The following C5 variants were observed in gnomAD, a reference collection of about 807,000 sequenced individuals.
The protein encoded by C5 is C3 and PZP-like alpha-2-macroglobulin domain-containing protein 4.
A neutral mutation model predicts 218.8 loss-of-function variants in C5; 140 were observed. The ratio of observed to expected loss-of-function variants is 0.64; its 90% CI spans 0.56 to 0.74. The LOEUF (loss-of-function observed/expected upper bound fraction) is 0.74. Ranked by LOEUF, C5 falls within the 30% of genes least tolerant of loss-of-function variation. The pLI is 0.00. For synonymous variants in C5, 614 were observed against 682.3 expected (o/e 0.90, Z 1.56); for missense variants, 1,700 against 1,969.6 (o/e 0.86, Z 2.59).
intron 3 of C5, among the ~76,000 whole-genome samples, chr9:121,041,569 C>T (rs2047581745): frequency 6.6e-6 from 1 of 152,026 alleles, no homozygotes; most frequent in Non-Finnish European, 1.5e-5. Context: ...TCCCAAAATG[C>T]TGGGATTACA....
intron 19 of C5, 24 bp from the exon 20 acceptor site, chr9:121,006,082 G>A: frequency 6.2e-7 from 1 of 1,612,104 alleles, no homozygotes; most frequent in Non-Finnish European, 8.5e-7. Flanking sequence ...TGGAAGCAAA[G>A]TAGAATCATA....
At chr9:121,022,985 C>A (rs1331466085) in intron 10 of C5, among the ~76,000 whole-genome samples, 10 of 151,132 alleles carry the variant, frequency 6.6e-5, no homozygotes, top group Admixed American at 6.6e-5. Flanking sequence ...ATGAGACACA[C>A]TGGAGGCAAA....
rs757063723 is a variant in C5, at chr9:121,019,949, G to A, written c.1506+27C>T. 3.6e-6 allele frequency: 5 copies of A among 1,376,370 alleles called. No individual in the cohort carries two copies. The African/African-American group carries it at 7.1e-5, about 20-fold the overall frequency. 85.3% of individuals were successfully genotyped at this position (1,376,370 alleles called of 1,614,324 possible). ...GAAAATGTTCCAGGTGGGGGAATAA[G>A]ATGTAAATCCATCATTATGTACTTA... On this transcript the variant is annotated intron_variant, in intron 12 of 40. Coordinates refer to ENST00000223642, the MANE Select transcript of C5 (RefSeq NM_001735.3).
upstream of C5, among the ~76,000 whole-genome samples, chr9:121,053,228 C>A (rs2047681723): frequency 6.6e-6 from 1 of 152,172 alleles, no homozygotes; most frequent in Non-Finnish European, 1.5e-5. Context: ...GAGTGGTAGG[C>A]TGGCACTAGG....
chr9:120,999,486 G>A (rs2047142755), intron 20 of C5, among the ~76,000 whole-genome samples: 2 of 152,184 alleles, frequency 1.3e-5, no homozygotes, highest in Non-Finnish European at 1.5e-5. Flanking sequence ...GGAACTCCAA[G>A]TTCTGTGTAT....
At chr9:121,037,547 G>A (rs1225103683) in intron 4 of C5, among the ~76,000 whole-genome samples, 4 of 151,990 alleles carry the variant, frequency 2.6e-5, no homozygotes, top group East Asian at 1.9e-4. Flanking sequence ...TCCTGACCTC[G>A]TGATCCACCT....
chr9:120,997,109 CTTAT>C (rs1047788950), intron 21 of C5, among the ~76,000 whole-genome samples: 7 of 151,726 alleles, frequency 4.6e-5, no homozygotes, highest in Admixed American at 2.0e-4. Context: ...AGGGCCATGT[CTTAT>C]TTATTGTTTT....
intron 20 of C5, chr9:120,999,592 T>C (rs1222843793): frequency 9.5e-6 from 2 of 211,470 alleles, no homozygotes; most frequent in East Asian, 3.4e-4. Context: ...GATTTCAGAG[T>C]CTGGAACTGA....
At chr9:121,029,043 C>T (rs893086040) in intron 7 of C5, among the ~76,000 whole-genome samples, 3 of 152,060 alleles carry the variant, frequency 2.0e-5, no homozygotes, top group Non-Finnish European at 4.4e-5. Context: ...TTAAAAGGTA[C>T]GTGTCCAATC....
At position 121,007,244 on chromosome 9, in the gene C5, C is replaced by T. The variant is rs567906584; in HGVS notation, c.2349-267G>A. Among the ~76,000 whole-genome samples, 4 of 152,242 alleles carry T rather than the reference C, an allele frequency of 2.6e-5. No homozygotes were observed. The South Asian group carries it at 8.3e-4, about 32-fold the overall frequency. ...TTTGAAACATTGCAAAATCCAAGCA[C>T]ACAAACAAAGAAAAAGATGTTTGTT... On this transcript the variant is annotated intron_variant, in intron 18 of 40. Coordinates refer to ENST00000223642, the MANE Select transcript of C5 (RefSeq NM_001735.3).
chr9:120,967,529 A>G (rs185962150), intron 33 of C5, among the ~76,000 whole-genome samples: 1 of 152,234 alleles, frequency 6.6e-6, no homozygotes, highest in East Asian at 1.9e-4. Context: ...AATGCCATCC[A>G]CAGATATCAC....
intron 23 of C5, among the ~76,000 whole-genome samples, chr9:120,989,984 A>T (rs2047065023): frequency 6.6e-6 from 1 of 152,188 alleles, no homozygotes; most frequent in Admixed American, 6.5e-5. Context: ...GACTTTAAAA[A>T]TCACTAAAAT....
intron 22 of C5, among the ~76,000 whole-genome samples, chr9:120,993,524 G>A (rs1035211425): frequency 2.0e-5 from 3 of 152,126 alleles, no homozygotes; most frequent in Non-Finnish European, 4.4e-5. Flanking sequence ...CCGGGTTCAC[G>A]CCCTTCTCCT....
intron 31 of C5, among the ~76,000 whole-genome samples, chr9:120,971,316 G>A (rs1357571287): frequency 6.6e-6 from 1 of 151,646 alleles, no homozygotes; most frequent in Non-Finnish European, 1.5e-5. Flanking sequence ...ATGCACATAT[G>A]TACACAGATA....
chr9:120,969,985 ATATT>A (rs559612931), intron 32 of C5, among the ~76,000 whole-genome samples, 181 bp downstream of exon 32: 1 of 152,262 alleles, frequency 6.6e-6, no homozygotes, highest in Non-Finnish European at 1.5e-5. Context: ...GCTTCCGACT[ATATT>A]AAAGAGTTAT....
intron 3 of C5, among the ~76,000 whole-genome samples, chr9:121,040,711 T>C (rs73662474): frequency 0.011 from 1,647 of 152,258 alleles, 34 homozygotes; most frequent in African/African-American, 0.038. Context: ...GTTGTATTAT[T>C]ATCTCTATTT....
intron 23 of C5, among the ~76,000 whole-genome samples, chr9:120,990,550 T>A (rs1307429906): frequency 1.3e-5 from 2 of 152,252 alleles, no homozygotes; most frequent in Middle Eastern, 3.4e-3. Flanking sequence ...AATAATCTTA[T>A]AGACGAGGTA....
chr9:121,028,365 A>C (rs2047443177), intron 7 of C5, among the ~76,000 whole-genome samples: 1 of 152,250 alleles, frequency 6.6e-6, no homozygotes, highest in South Asian at 2.1e-4. Flanking sequence ...AAGGATTATA[A>C]ATCATGCTGC....
At chr9:121,065,348 T>C in the C5 span, among the ~76,000 whole-genome samples, 53 of 152,086 alleles carry the variant, frequency 3.5e-4, no homozygotes, top group Non-Finnish European at 1.3e-4. Context: ...GCGGAGAAAA[T>C]TGCTGGAAGG....
Sources: allele counts gnomAD v4.1 joint callset (sites outside exome capture counted in the v4.1 genomes callset), GRCh38; gene constraint gnomAD v4.1.1; transcripts MANE v1.5; gene names NCBI Gene and HGNC (gene_info 2026-07-23, HGNC 2026-07-21).